The following NXPH1 variants were observed in gnomAD, a reference collection of about 807,000 sequenced individuals.
NXPH1 encodes the protein neurexophilin 1.
Under a neutral mutation model 23.7 loss-of-function variants are expected in NXPH1, and 5 were observed. The observed-to-expected ratio is 0.21, with a 90% CI of 0.11 to 0.44. The LOEUF (loss-of-function observed/expected upper bound fraction) is 0.44, where lower values mean the gene tolerates loss of function less well. Among genes scored for constraint, NXPH1 ranks in the 20% least tolerant of loss-of-function variants. NXPH1 has a pLI of 0.99. For missense variants in NXPH1, 324 were observed against 321.6 expected, an observed-to-expected ratio of 1.01 and a Z score of -0.06; for synonymous variants, 144 against 122.2, an observed-to-expected ratio of 1.18 and a Z score of -1.18.
chr7:8,434,772 T>A lies in NXPH1; in HGVS notation c.-111+17T>A, dbSNP rs1482405662. The A allele has an allele frequency of 6.6e-6, 1 of 152,468 alleles. No individual in the cohort carries two copies. The highest frequency in any genetic ancestry group is 2.4e-5 in the African/African-American group (1 of 41,386). 9.4% of individuals were successfully genotyped at this position (152,468 alleles called of 1,614,324 possible). ...TCCTGTGCGGTACGTACCCTTTGCC[T>A]CCGCTGTTCCCGGAGGGTACACCTG... On this transcript the variant is annotated intron_variant, in intron 1 of 2. Coordinates refer to ENST00000405863, the MANE Select transcript of NXPH1 (RefSeq NM_152745.3). The surrounding 1 kb of genome is among the most constrained non-coding windows in gnomAD (Gnocchi z 7.6).
chr7:8,568,952 G>T (rs1244356194), intron 2 of NXPH1, among the ~76,000 whole-genome samples: 2 of 151,630 alleles, frequency 1.3e-5, no homozygotes, highest in Non-Finnish European at 2.9e-5. Context: ...AAATGCAAGG[G>T]GATTATGGAA....
intron 2 of NXPH1, among the ~76,000 whole-genome samples, chr7:8,642,054 C>T (rs76481825): frequency 0.047 from 7,190 of 152,192 alleles, 367 homozygotes; most frequent in East Asian, 0.17. Flanking sequence ...GGCTTTCCTT[C>T]ACCATCATTT....
intron 2 of NXPH1, among the ~76,000 whole-genome samples, chr7:8,676,127 A>G (rs1010787815): frequency 2.6e-5 from 4 of 152,210 alleles, no homozygotes; most frequent in African/African-American, 7.2e-5. Flanking sequence ...TTAACATTTC[A>G]ATGCAGTTGC....
chr7:8,537,329 T>C (rs1452055714), intron 2 of NXPH1, among the ~76,000 whole-genome samples: 1 of 151,994 alleles, frequency 6.6e-6, no homozygotes, highest in Non-Finnish European at 1.5e-5. Flanking sequence ...AATACAGGCA[T>C]ACTTGAGACT....
chr7:8,552,499 G>A (rs1164069950), intron 2 of NXPH1, among the ~76,000 whole-genome samples: 1 of 151,334 alleles, frequency 6.6e-6, no homozygotes, highest in Non-Finnish European at 1.5e-5. Context: ...TGTCTGCCCC[G>A]GGTACATAAA....
At chr7:8,443,024 T>C (rs1816328469) in intron 2 of NXPH1, among the ~76,000 whole-genome samples, 1 of 152,196 alleles carries the variant, frequency 6.6e-6, no homozygotes, top group Admixed American at 6.5e-5. Context: ...GTGCCAGCAG[T>C]AGGGCCTGCC....
chr7:8,625,512 C>A (rs547907840), intron 2 of NXPH1, among the ~76,000 whole-genome samples: 2 of 152,102 alleles, frequency 1.3e-5, no homozygotes, highest in Non-Finnish European at 2.9e-5. Flanking sequence ...TTAACCCCTG[C>A]CAAAGCTCTC....
intron 2 of NXPH1, among the ~76,000 whole-genome samples, chr7:8,717,191 C>T (rs181457119): frequency 2.0e-5 from 3 of 152,082 alleles, no homozygotes; most frequent in Admixed American, 2.0e-4. Context: ...GATGATGCAT[C>T]CTTTCTCTTG....
At chr7:8,636,420 A>C (rs528436114) in intron 2 of NXPH1, among the ~76,000 whole-genome samples, 19 of 152,346 alleles carry the variant, frequency 1.2e-4, no homozygotes, top group African/African-American at 4.3e-4. Flanking sequence ...TTGTATTTTC[A>C]AGCCACTTTC....
At chr7:8,660,409 A>G (rs1336413088) in intron 2 of NXPH1, among the ~76,000 whole-genome samples, 1 of 152,180 alleles carries the variant, frequency 6.6e-6, no homozygotes, top group Non-Finnish European at 1.5e-5. Flanking sequence ...AAAGTTTTGA[A>G]AAGAGACACT....
intron 2 of NXPH1, among the ~76,000 whole-genome samples, chr7:8,584,920 T>C (rs1213088981): frequency 6.6e-6 from 1 of 152,224 alleles, no homozygotes; most frequent in Non-Finnish European, 1.5e-5. Context: ...ACTGACCACA[T>C]AGGAATTGCT....
chr7:8,636,542 C>G (rs1820221404), intron 2 of NXPH1, among the ~76,000 whole-genome samples: 1 of 152,112 alleles, frequency 6.6e-6, no homozygotes, highest in African/African-American at 2.4e-5. Flanking sequence ...AAAGGGCAAA[C>G]CAAGGATAGC....
chr7:8,585,385 T>C (rs1037649597), intron 2 of NXPH1, among the ~76,000 whole-genome samples: 4 of 151,812 alleles, frequency 2.6e-5, no homozygotes, highest in African/African-American at 9.7e-5. Context: ...TCCTTTATTA[T>C]GGATCTTGAA....
intron 2 of NXPH1, among the ~76,000 whole-genome samples, chr7:8,473,288 T>C (rs186311056): frequency 6.7e-4 from 102 of 152,260 alleles, no homozygotes; most frequent in Non-Finnish European, 1.2e-3. Flanking sequence ...CAGGCTGTAT[T>C]ATCTAAGTTA....
intron 2 of NXPH1, among the ~76,000 whole-genome samples, chr7:8,682,517 G>A (rs1188042219): frequency 9.2e-5 from 14 of 152,102 alleles, no homozygotes; most frequent in Non-Finnish European, 1.9e-4. Context: ...AAATTCCTTT[G>A]CTCCATATAA....
intron 2 of NXPH1, among the ~76,000 whole-genome samples, chr7:8,664,615 C>T (rs1195318668): frequency 3.3e-5 from 5 of 152,176 alleles, no homozygotes; most frequent in African/African-American, 1.2e-4. Flanking sequence ...GACTGTTTTC[C>T]ATAATGCCTG....
intron 2 of NXPH1, among the ~76,000 whole-genome samples, chr7:8,610,678 T>C (rs1439362588): frequency 1.3e-5 from 2 of 152,140 alleles, no homozygotes; most frequent in African/African-American, 4.8e-5. Context: ...GTTTCTATTT[T>C]CTTCCTTTTG....
At chr7:8,453,626 A>C (rs1241788578) in intron 2 of NXPH1, among the ~76,000 whole-genome samples, 1 of 152,198 alleles carries the variant, frequency 6.6e-6, no homozygotes, top group African/African-American at 2.4e-5. Context: ...TGATATTGGT[A>C]CTACTGCATC....
chr7:8,554,719 G>A (rs1228526019), intron 2 of NXPH1, among the ~76,000 whole-genome samples: 1 of 151,680 alleles, frequency 6.6e-6, no homozygotes, highest in African/African-American at 2.4e-5. Context: ...GGCCTTTTAA[G>A]TATAAAGTCC....
Sources: allele counts gnomAD v4.1 joint callset (sites outside exome capture counted in the v4.1 genomes callset), GRCh38; gene constraint gnomAD v4.1.1; non-coding constraint Gnocchi (gnomAD v3.1); transcripts MANE v1.5; gene names NCBI Gene and HGNC (gene_info 2026-07-23, HGNC 2026-07-21).